The following AKAP19 variants were observed in gnomAD, a reference collection of about 807,000 sequenced individuals.
The protein encoded by AKAP19 is A-kinase anchoring protein 19, also known as small A-kinase anchoring protein.
chr2:190,165,892 A>T, the AKAP19 span, among the ~76,000 whole-genome samples: 2 of 152,194 alleles, frequency 1.3e-5, no homozygotes, highest in Non-Finnish European at 2.9e-5. Context: ...TAAAGATTAC[A>T]TACAAAGGAA....
the AKAP19 span, among the ~76,000 whole-genome samples, chr2:190,073,844 A>G: frequency 6.6e-6 from 1 of 151,914 alleles, no homozygotes; most frequent in Non-Finnish European, 1.5e-5. Flanking sequence ...TGAGGTCAGG[A>G]GTTTGAGACC....
At chr2:189,977,870 C>G in the AKAP19 span, among the ~76,000 whole-genome samples, 1 of 152,224 alleles carries the variant, frequency 6.6e-6, no homozygotes, top group African/African-American at 2.4e-5. Context: ...TTTGCCATAA[C>G]AGTACACATT....
the AKAP19 span, among the ~76,000 whole-genome samples, chr2:189,999,501 C>A: frequency 6.6e-6 from 1 of 152,182 alleles, no homozygotes; most frequent in African/African-American, 2.4e-5. Context: ...ACATTTGTCA[C>A]TTATAGTGTT....
At chr2:189,939,643 T>TA in the AKAP19 span, among the ~76,000 whole-genome samples, 14 of 152,110 alleles carry the variant, frequency 9.2e-5, no homozygotes, top group Admixed American at 6.5e-4. Context: ...AATACAGTTT[T>TA]AAAAAAACTC....
chr2:190,199,939 C>A, the AKAP19 span: 2 of 1,614,072 alleles, frequency 1.2e-6, no homozygotes, highest in South Asian at 1.1e-5. Context: ...GAGTGAAGAA[C>A]CCTTTATGCC....
the AKAP19 span, among the ~76,000 whole-genome samples, chr2:190,163,157 G>A: frequency 3.9e-5 from 6 of 152,038 alleles, no homozygotes; most frequent in South Asian, 8.3e-4. Context: ...AGTCTTGGCC[G>A]GGCGCGGTGG....
At chr2:189,904,418 G>A in the AKAP19 span, among the ~76,000 whole-genome samples, 1 of 151,896 alleles carries the variant, frequency 6.6e-6, no homozygotes. Context: ...CAGAATTATG[G>A]TGCCAATTAT....
At chr2:190,113,710 G>A in the AKAP19 span, among the ~76,000 whole-genome samples, 2 of 152,180 alleles carry the variant, frequency 1.3e-5, no homozygotes, top group East Asian at 1.9e-4. Context: ...ATTCTGGAGT[G>A]CATTCTGCAT....
At chr2:189,974,805 C>T in the AKAP19 span, among the ~76,000 whole-genome samples, 44 of 152,200 alleles carry the variant, frequency 2.9e-4, no homozygotes, top group Middle Eastern at 3.4e-3. Flanking sequence ...ATTGCAACCC[C>T]TGCCTTTTTT....
chr2:190,104,411 G>T, the AKAP19 span, among the ~76,000 whole-genome samples: 1 of 152,180 alleles, frequency 6.6e-6, no homozygotes, highest in Admixed American at 6.5e-5. Context: ...CCAACAGAAT[G>T]GGAGAAAATA....
At chr2:189,997,570 C>T in the AKAP19 span, among the ~76,000 whole-genome samples, 1 of 152,146 alleles carries the variant, frequency 6.6e-6, no homozygotes, top group South Asian at 2.1e-4. Context: ...AGTGATAGGC[C>T]TCACCCAGCT....
chr2:189,910,337 G>T, the AKAP19 span, among the ~76,000 whole-genome samples: 1 of 151,852 alleles, frequency 6.6e-6, no homozygotes, highest in African/African-American at 2.4e-5. Flanking sequence ...ATCAGCATTG[G>T]GTACAGTGTA....
the AKAP19 span, among the ~76,000 whole-genome samples, chr2:190,179,781 T>C: frequency 3.1e-3 from 479 of 152,360 alleles, 1 homozygote; most frequent in African/African-American, 0.011. This position sits in a 1 kb window ranked among gnomAD's most constrained non-coding sequence, Gnocchi z 6.0. Context: ...TCTGGGCCTC[T>C]GTGTCCTCAT....
the AKAP19 span, among the ~76,000 whole-genome samples, chr2:190,199,503 AG>A: frequency 6.6e-6 from 1 of 152,160 alleles, no homozygotes. Context: ...CTTGAAAAAA[AG>A]TTTTCCTATT....
chr2:189,937,031 A>G, the AKAP19 span, among the ~76,000 whole-genome samples: 1 of 152,156 alleles, frequency 6.6e-6, no homozygotes, highest in Admixed American at 6.5e-5. Context: ...GTTACTTGGG[A>G]GGCTGAGGCA....
the AKAP19 span, among the ~76,000 whole-genome samples, chr2:190,142,707 G>A: frequency 6.6e-6 from 1 of 152,232 alleles, no homozygotes; most frequent in East Asian, 1.9e-4. Context: ...GATACCAGCG[G>A]GCTGGGGGAG....
At chr2:190,120,256 A>G in the AKAP19 span, among the ~76,000 whole-genome samples, 1 of 152,164 alleles carries the variant, frequency 6.6e-6, no homozygotes, top group African/African-American at 2.4e-5. Flanking sequence ...GAATCTCCTG[A>G]TCATCTGAGG....
At chr2:189,976,228 T>C in the AKAP19 span, among the ~76,000 whole-genome samples, 1 of 152,316 alleles carries the variant, frequency 6.6e-6, no homozygotes, top group Non-Finnish European at 1.5e-5. Flanking sequence ...CCTGTTGGAG[T>C]ATGCTGGAGG....
At chr2:189,995,752 G>A in the AKAP19 span, among the ~76,000 whole-genome samples, 15 of 151,454 alleles carry the variant, frequency 9.9e-5, no homozygotes, top group African/African-American at 3.4e-4. Context: ...GTTCTATTTT[G>A]GTGTATTTCA....
Sources: gnomAD v4.1 joint callset for allele counts (sites outside exome capture counted in the v4.1 genomes callset) on GRCh38, gnomAD v4.1.1 for gene constraint, Gnocchi (gnomAD v3.1) non-coding constraint, MANE v1.5 for transcripts, NCBI Gene and HGNC (gene_info 2026-07-23, HGNC 2026-07-21) for gene names.